Variants in TCF20 observed in about 807,000 individuals in gnomAD.
The protein encoded by TCF20 is SPRE-binding protein.
A neutral mutation model predicts 148.6 loss-of-function variants in TCF20; 3 were observed. The observed-to-expected ratio is 0.02, with a 90% CI of 0.01 to 0.05. TCF20 has a LOEUF of 0.05. Ranked by LOEUF, TCF20 falls within the 10% of genes least tolerant of loss-of-function variation. The probability of loss-of-function intolerance (pLI) is 1.00; values close to 1 mark genes in which losing one functional copy is unlikely to be tolerated. For missense variants in TCF20, 2,350 were observed against 2,429.3 expected (o/e 0.97, Z 0.69); for synonymous variants, 1,049 against 909.5 (o/e 1.15, Z -2.76).
chr22:42,215,244 A>G lies in TCF20; in HGVS notation c.62T>C (p.Val21Ala), dbSNP rs750721941. The change falls in exon 2 of 6, where the codon GTA becomes GCA. Residue 21 changes from valine (V) to alanine (A), a missense_variant. Coordinates refer to ENST00000677622, the MANE Select transcript of TCF20 (RefSeq NM_001378418.1). Reference protein sequence around the residue: ...HGNQQSYPQEVHGSSRLEEFS... With the variant: ...HGNQQSYPQEAHGSSRLEEFS... Reference sequence around the variant, plus strand: ...CTCTTCTAGCCGGGATGAGCCGTGTACCTCCTGTGGGTAGCTTTGCTGGTT... The same window carrying G: ...CTCTTCTAGCCGGGATGAGCCGTGTGCCTCCTGTGGGTAGCTTTGCTGGTT... The G allele has an allele frequency of 1.8e-5, 29 of 1,614,122 alleles. No homozygotes were observed. Among genetic ancestry groups the G allele is most frequent in the Middle Eastern group, 1.6e-4 (1 of 6,062 alleles).
chr22:42,244,509 T>C (rs886150236), intron 1 of TCF20, among the ~76,000 whole-genome samples: 2 of 152,118 alleles, frequency 1.3e-5, no homozygotes, highest in African/African-American at 2.4e-5. Context: ...CTCAAAACAC[T>C]ACGCGCTAAG....
chr22:42,190,067 T>C (rs12484402), intron 2 of TCF20, among the ~76,000 whole-genome samples: 116,070 of 151,978 alleles, frequency 0.76, 44,904 homozygotes, highest in African/African-American at 0.88. Flanking sequence ...ATTTAAGTCT[T>C]GATTTTCTCA....
At chr22:42,228,541 T>C (rs1271958225) in intron 1 of TCF20, among the ~76,000 whole-genome samples, 1 of 152,200 alleles carries the variant, frequency 6.6e-6, no homozygotes, top group Non-Finnish European at 1.5e-5. Flanking sequence ...AGGCAGTGAC[T>C]GGGGAGCTTG....
At chr22:42,203,084 CT>C (rs1209297223) in intron 2 of TCF20, among the ~76,000 whole-genome samples, 2 of 152,154 alleles carry the variant, frequency 1.3e-5, no homozygotes, top group East Asian at 3.8e-4. Flanking sequence ...CATATAATAA[CT>C]TGTGTGTTGT....
intron 1 of TCF20, among the ~76,000 whole-genome samples, chr22:42,260,837 T>C (rs1925991139): frequency 6.6e-6 from 1 of 152,186 alleles, no homozygotes; most frequent in Admixed American, 6.5e-5. Flanking sequence ...AATTAGATGT[T>C]GAGAGTGAGG....
chr22:42,325,521 C>T (rs1042557965), intron 1 of TCF20, among the ~76,000 whole-genome samples: 1 of 152,044 alleles, frequency 6.6e-6, no homozygotes, highest in Non-Finnish European at 1.5e-5. Flanking sequence ...CACACGGTGG[C>T]AAGTCACACC....
chr22:42,211,361 A>C lies in TCF20; in HGVS notation c.3945T>G (p.Asp1315Glu). The C allele has an allele frequency of 6.2e-7, 1 of 1,614,170 alleles. No individual in the cohort carries two copies. Among genetic ancestry groups the C allele is most frequent in the Non-Finnish European group, 8.5e-7 (1 of 1,180,020 alleles). Residue 1315 changes from aspartate to glutamate, a missense_variant, in exon 2 of 6, where the codon GAT becomes GAG. This residue lies in a region of TCF20 where 1,641 missense variants were observed against 1,662.6 expected (regional missense o/e 0.99). Transcript: ENST00000677622. ...SQDIKSIPKR[D>E]SSKDLPSPDS... is the part of the protein sequence containing the mutation. ...CTGGACTTGGAAGGTCCTTGGAGGA[A>C]TCTCTCTTAGGGATAGACTTGATAT... is the stretch of plus-strand genomic sequence containing the variant.
intron 1 of TCF20, among the ~76,000 whole-genome samples, chr22:42,296,231 C>T (rs972265256): frequency 6.6e-6 from 1 of 152,212 alleles, no homozygotes; most frequent in Non-Finnish European, 1.5e-5. Context: ...AGCCAGGCCT[C>T]AGCGAACGGG....
chr22:42,242,734 A>C (rs1305954970), intron 1 of TCF20, among the ~76,000 whole-genome samples: 1 of 152,006 alleles, frequency 6.6e-6, no homozygotes, highest in African/African-American at 2.4e-5. Flanking sequence ...TAAAAATACA[A>C]AACTTGGCCA....
chr22:42,167,299 CT>C (rs1409453071), intron 5 of TCF20, among the ~76,000 whole-genome samples: 1 of 152,190 alleles, frequency 6.6e-6, no homozygotes, highest in Non-Finnish European at 1.5e-5. Context: ...GAGGGGCCTT[CT>C]CCGGAAATTA....
intron 2 of TCF20, among the ~76,000 whole-genome samples, chr22:42,203,321 A>T (rs1227245390): frequency 3.3e-5 from 5 of 152,154 alleles, no homozygotes; most frequent in Non-Finnish European, 5.9e-5. Context: ...TTGGCCAAAG[A>T]ATCGTGTACT....
At chr22:42,267,911 C>A (rs142285549) in intron 1 of TCF20, among the ~76,000 whole-genome samples, 1 of 152,198 alleles carries the variant, frequency 6.6e-6, no homozygotes, top group African/African-American at 2.4e-5. Context: ...TTTGGGAAGT[C>A]AAGGCAGGCG....
At position 42,252,743 on chromosome 22, in the gene TCF20, T is replaced by C. The variant is rs540613114; in HGVS notation, c.-37+17596A>G. 3.3e-5 allele frequency among the ~76,000 whole-genome samples: 5 copies of C among 152,322 alleles called. No homozygotes were observed. In the East Asian group the frequency reaches 9.6e-4, roughly 29 times the overall value. ...TTGGGATTACAGGTGTGAGCCACGGTGCCCAGCCTTTAAAAGCTTTTTTAA... is the reference window on the plus strand; with the variant it reads ...TTGGGATTACAGGTGTGAGCCACGGCGCCCAGCCTTTAAAAGCTTTTTTAA... On this transcript the variant is annotated intron_variant, in intron 1 of 5. Transcript: ENST00000677622.
At chr22:42,253,040 C>G (rs1925505578) in intron 1 of TCF20, among the ~76,000 whole-genome samples, 1 of 151,942 alleles carries the variant, frequency 6.6e-6, no homozygotes, top group Non-Finnish European at 1.5e-5. Context: ...GTTTATAAAA[C>G]TAAGGCCTTC....
chr22:42,324,909 T>C (rs1467263597), intron 1 of TCF20, among the ~76,000 whole-genome samples: 12 of 152,206 alleles, frequency 7.9e-5, no homozygotes, highest in Admixed American at 6.5e-4. Context: ...ATGGCCTGCC[T>C]CAGGTCTGGG....
At position 42,213,349 on chromosome 22, in the gene TCF20, G is replaced by T. The variant is rs750566980; in HGVS notation, c.1957C>A (p.Pro653Thr). The change falls in exon 2 of 6, where the codon CCC becomes ACC. Residue 653 changes from proline (P) to threonine (T), a missense_variant. Physicochemically the swap from Pro to Thr is conservative, Grantham distance 38. Around this residue, in one of 7 missense-constraint regions of TCF20, gnomAD observed 1,641 missense variants for 1,662.6 expected, o/e 0.99. Transcript: ENST00000677622. ...GAKETSHASL[P>T]QPEPPGGGGS... ...CCTCCTCCTGGAGGCTCTGGCTGGG[G>T]AAGTGATGCATGACTGGTTTCCTTT... The T allele has an allele frequency of 6.2e-7, 1 of 1,614,128 alleles. No individual in the cohort carries two copies. Among genetic ancestry groups the T allele is most frequent in the South Asian group, 1.1e-5 (1 of 91,062 alleles).
Position 42,299,770 on chromosome 22 carries a change from T to G in TCF20, c.-37+43709A>C, listed in dbSNP as rs1927300527. Among the ~76,000 whole-genome samples, 1 of 148,306 alleles carries G rather than the reference T, an allele frequency of 6.7e-6. No homozygotes were observed. The highest frequency in any genetic ancestry group is 1.5e-5 in the Non-Finnish European group (1 of 66,982). ...CAATTAGCAGGTACCTGGAGTGGGG[T>G]CGGTAAGAGAGAATAGCAGAGGAGG... On this transcript the variant is annotated intron_variant, in intron 1 of 1. Coordinates refer to the TCF20 transcript ENST00000515426. The surrounding 1 kb of genome is among the most constrained non-coding windows in gnomAD (Gnocchi z 4.1).
intron 1 of TCF20, among the ~76,000 whole-genome samples, chr22:42,312,570 T>C (rs1927555336): frequency 6.6e-6 from 1 of 152,062 alleles, no homozygotes; most frequent in Admixed American, 6.5e-5. Context: ...AAGCCCAAGG[T>C]GATGACCCAC....
At chr22:42,260,707 C>T (rs916454428) in intron 1 of TCF20, among the ~76,000 whole-genome samples, 12 of 152,104 alleles carry the variant, frequency 7.9e-5, no homozygotes, top group Admixed American at 3.9e-4. Flanking sequence ...CTTTCTTAAA[C>T]TCCTGGACTC....
Sources: gnomAD v4.1 joint callset for allele counts (sites outside exome capture counted in the v4.1 genomes callset) on GRCh38, gnomAD v4.1.1 for gene constraint, gnomAD v4.1.1 regional missense constraint, Gnocchi (gnomAD v3.1) non-coding constraint, MANE v1.5 for transcripts, NCBI Gene and HGNC (gene_info 2026-07-23, HGNC 2026-07-21) for gene names.